The following CLYBL variants were observed in gnomAD, a reference collection of about 807,000 sequenced individuals.
CLYBL encodes the protein citramalyl-CoA lyase, also known as citramalyl-CoA lyase, mitochondrial.
Under a neutral mutation model 38.9 loss-of-function variants are expected in CLYBL, and 31 were observed. The observed-to-expected ratio is 0.80, with a 90% CI of 0.60 to 1.08. The LOEUF (loss-of-function observed/expected upper bound fraction) is 1.08, where lower values mean the gene tolerates loss of function less well. CLYBL is among the 50% of genes least tolerant of loss of function. The pLI is 0.00. For synonymous variants in CLYBL, 171 were observed against 158.6 expected, an observed-to-expected ratio of 1.08 and a Z score of -0.59; for missense variants, 434 against 411.6, an observed-to-expected ratio of 1.05 and a Z score of -0.47.
At chr13:99,893,511 G>A (rs2052530664), downstream of CLYBL, 2 of 152,504 alleles carry the variant, frequency 1.3e-5, no homozygotes, top group Non-Finnish European at 2.9e-5. Flanking sequence ...TGGAGGCAGA[G>A]CTGGCCCTAA....
intron 2 of CLYBL, among the ~76,000 whole-genome samples, chr13:99,818,991 C>A (rs1033961370): frequency 6.6e-6 from 1 of 152,060 alleles, no homozygotes; most frequent in Non-Finnish European, 1.5e-5. Context: ...CAAAAAAATT[C>A]TCTACAAGGG....
In CLYBL at chr13:99,846,867, C is replaced by T. The variant is rs148457090; in HGVS notation, c.250-11994C>T. Among the ~76,000 whole-genome samples, 73 of 152,312 alleles carry T rather than the reference C, an allele frequency of 4.8e-4. No homozygotes were observed. In the East Asian group the frequency reaches 0.012, roughly 25 times the overall value. ...TACAGCAACGTGGGCACAGCTGAGT[C>T]GGTCTTAACCCACCTTAGGGCATCC... is the stretch of plus-strand genomic sequence containing the variant. On this transcript the variant is annotated intron_variant, in intron 2 of 8. Transcript: ENST00000339105.
chr13:99,844,464 C>A (rs1484817836), intron 2 of CLYBL, among the ~76,000 whole-genome samples: 1 of 152,310 alleles, frequency 6.6e-6, no homozygotes, highest in East Asian at 1.9e-4. Flanking sequence ...TATTTTGTCC[C>A]CAAGCCCCTG....
At chr13:99,741,033 T>G (rs1379713520) in intron 1 of CLYBL, among the ~76,000 whole-genome samples, 3 of 152,218 alleles carry the variant, frequency 2.0e-5, no homozygotes, top group African/African-American at 7.2e-5. Context: ...AAGTACAGAC[T>G]TCTGCCTGAA....
intron 2 of CLYBL, among the ~76,000 whole-genome samples, chr13:99,804,138 G>A (rs2050186779): frequency 3.3e-5 from 5 of 152,222 alleles, no homozygotes; most frequent in Admixed American, 2.6e-4. Context: ...CTCAACAGGA[G>A]AAATAACTGT....
intron 1 of CLYBL, among the ~76,000 whole-genome samples, chr13:99,736,443 T>TC (rs2048669814): frequency 6.6e-6 from 1 of 151,802 alleles, no homozygotes; most frequent in African/African-American, 2.4e-5. Context: ...ATAATGGAGG[T>TC]CAGTGTTTTG....
intron 1 of CLYBL, among the ~76,000 whole-genome samples, chr13:99,671,779 C>CAA (rs753315768): frequency 0.068 from 6,020 of 88,620 alleles, 422 homozygotes; most frequent in African/African-American, 0.2. Flanking sequence ...GACTCTTTCT[C>CAA]AAAAAAAAAA....
intron 1 of CLYBL, among the ~76,000 whole-genome samples, chr13:99,607,308 A>C (rs896852089): frequency 2.0e-5 from 3 of 151,942 alleles, no homozygotes; most frequent in Non-Finnish European, 4.4e-5. Flanking sequence ...CTTCTCAAAA[A>C]AAAAGTGAGA....
chr13:99,778,062 A>G (rs1356846550), intron 2 of CLYBL, among the ~76,000 whole-genome samples: 1 of 152,118 alleles, frequency 6.6e-6, no homozygotes, highest in Non-Finnish European at 1.5e-5. Context: ...GTTCTCCATT[A>G]TCTCTCCAAG....
chr13:99,863,356 T>A (rs1228232325), intron 4 of CLYBL, among the ~76,000 whole-genome samples: 2 of 152,220 alleles, frequency 1.3e-5, no homozygotes, highest in Non-Finnish European at 2.9e-5. Context: ...CTAGTAACAA[T>A]TTTAACTAAT....
intron 1 of CLYBL, chr13:99,690,057 A>G (rs901803467): frequency 6.6e-6 from 1 of 152,224 alleles, no homozygotes; most frequent in African/African-American, 2.4e-5. Context: ...CCTAAATGCT[A>G]TCCACATTGT....
intron 2 of CLYBL, among the ~76,000 whole-genome samples, chr13:99,834,945 A>C (rs1005818837): frequency 1.3e-5 from 2 of 152,224 alleles, no homozygotes; most frequent in Admixed American, 6.5e-5. Flanking sequence ...AATCATGTAC[A>C]CTTACCCCCA....
rs80300342 is a variant in CLYBL, at chr13:99,814,262, A to T, written c.249+41252A>T. 7.5e-3 allele frequency among the ~76,000 whole-genome samples: 1,136 copies of T among 152,340 alleles called. 12 individuals carry two copies. Among genetic ancestry groups the T allele is most frequent in the African/African-American group, 0.026 (1,077 of 41,572 alleles). On this transcript the variant is annotated intron_variant, in intron 2 of 8. Transcript: ENST00000339105. Reference sequence around the variant, plus strand: ...CCCCTCTCCTCATGGTATAGATATTATAGTTTACAACAAGCCCAGGTTCAA... The same window carrying T: ...CCCCTCTCCTCATGGTATAGATATTTTAGTTTACAACAAGCCCAGGTTCAA...
At chr13:99,640,679 T>C (rs547877144) in intron 1 of CLYBL, among the ~76,000 whole-genome samples, 17 of 152,118 alleles carry the variant, frequency 1.1e-4, no homozygotes, top group Admixed American at 2.6e-4. Context: ...AAAAATTGAG[T>C]GTGGGTTTCA....
rs142493371 is a variant in CLYBL at position 99,679,883 on chromosome 13, G to A, written c.62+73126G>A. On this transcript the variant is annotated intron_variant, in intron 1 of 8. Transcript: ENST00000339105. ...TTCAAAGGAAATGTTTGGCCAACTA[G>A]ATCCTGATGTGAGAAACAGCATCCT... is the stretch of plus-strand genomic sequence containing the variant. 2.1e-3 allele frequency among the ~76,000 whole-genome samples: 314 copies of A among 152,234 alleles called. 1 individual carries two copies. The highest frequency in any genetic ancestry group is 7.1e-3 in the African/African-American group (295 of 41,540).
intron 8 of CLYBL, among the ~76,000 whole-genome samples, chr13:99,904,212 A>T (rs1369321820): frequency 6.6e-6 from 1 of 152,172 alleles, no homozygotes; most frequent in Non-Finnish European, 1.5e-5. Flanking sequence ...TCTGGGCCCC[A>T]CCCCAAACTA....
chr13:99,660,524 A>G (rs927965290), intron 1 of CLYBL, among the ~76,000 whole-genome samples: 2 of 152,094 alleles, frequency 1.3e-5, no homozygotes, highest in Non-Finnish European at 2.9e-5. Context: ...GCATCTACCC[A>G]TTAAGTTTAT....
chr13:99,819,551 A>G (rs1198450404), intron 2 of CLYBL, among the ~76,000 whole-genome samples: 1 of 148,578 alleles, frequency 6.7e-6, no homozygotes, highest in Non-Finnish European at 1.5e-5. Flanking sequence ...GGAATTGGCT[A>G]ACGTGGTTAG....
At chr13:99,856,148 G>A (rs1160875138) in intron 2 of CLYBL, among the ~76,000 whole-genome samples, 1 of 152,200 alleles carries the variant, frequency 6.6e-6, no homozygotes, top group Non-Finnish European at 1.5e-5. Flanking sequence ...AAGTAAACTG[G>A]AATGTGCTGA....
Sources: allele counts gnomAD v4.1 joint callset (sites outside exome capture counted in the v4.1 genomes callset), GRCh38; gene constraint gnomAD v4.1.1; transcripts MANE v1.5; gene names NCBI Gene and HGNC (gene_info 2026-07-23, HGNC 2026-07-21).